The following HTR2C variants were observed in gnomAD, a reference collection of about 807,000 sequenced individuals.
HTR2C encodes 5-hydroxytryptamine receptor 2C, also known as 5-hydroxytryptamine (serotonin) receptor 2C, G protein-coupled.
In HTR2C, 5 loss-of-function variants were observed where a neutral mutation model predicts 21.0. The ratio of observed to expected loss-of-function variants is 0.24; its 90% CI spans 0.12 to 0.50. HTR2C has a LOEUF of 0.50. HTR2C is among the 20% of genes least tolerant of loss of function. HTR2C has a pLI of 0.98. For synonymous variants in HTR2C, 150 were observed against 145.3 expected (o/e 1.03, Z -0.23); for missense variants, 271 against 371.2 (o/e 0.73, Z 2.22).
At position 114,881,419 on chromosome X, in the gene HTR2C, C is replaced by T. The variant is rs782598382; in HGVS notation, c.551-25170C>T. 9.1e-5 allele frequency among the ~76,000 whole-genome samples: 10 copies of T among 109,580 alleles called. No homozygotes were observed. In the East Asian group the frequency reaches 2.8e-3, roughly 31 times the overall value. Reference sequence around the variant, plus strand: ...AAGAAAACATTGTCATAGCTGGAGTCATGAAGATTTAGTCCTATGTTTTCA... The same window carrying T: ...AAGAAAACATTGTCATAGCTGGAGTTATGAAGATTTAGTCCTATGTTTTCA... On this transcript the variant is annotated intron_variant, in intron 5 of 5. Coordinates refer to ENST00000276198, the MANE Select transcript of HTR2C (RefSeq NM_000868.4).
chrX:114,614,574 A>C (rs782800177), intron 2 of HTR2C, among the ~76,000 whole-genome samples: 2 of 110,850 alleles, frequency 1.8e-5, no homozygotes, highest in Middle Eastern at 4.6e-3. Context: ...TTCAGTAACA[A>C]ACTCTTATAT....
intron 2 of HTR2C, among the ~76,000 whole-genome samples, chrX:114,668,147 A>C (rs1217249870): frequency 8.9e-6 from 1 of 111,741 alleles, no homozygotes; most frequent in Non-Finnish European, 1.9e-5. Flanking sequence ...TTTGGGTATA[A>C]TAGACTCTCA....
At chrX:114,899,849 T>A (rs1164405717) in intron 5 of HTR2C, among the ~76,000 whole-genome samples, 1 of 111,120 alleles carries the variant, frequency 9.0e-6, no homozygotes, top group Non-Finnish European at 1.9e-5. Context: ...TTTAATGAAG[T>A]TCTGTTGGCA....
At position 114,807,117 on chromosome X, in the gene HTR2C, ATAC is replaced by A. The variant is rs1556450570; in HGVS notation, c.350-40885_350-40883del. ...CCCCATATATACACCATGTATATATATACCATATATACACCATATATATACCAT... is the reference window on the plus strand; with the variant it reads ...CCCCATATATACACCATGTATATATACATATATACACCATATATATACCAT... On this transcript the variant is annotated intron_variant, in intron 4 of 5. Transcript: ENST00000276198. Among the ~76,000 whole-genome samples the A allele has an allele frequency of 8.0e-4, 32 of 40,128 alleles. 4 individuals carry two copies. Among genetic ancestry groups the A allele is most frequent in the African/African-American group, 2.7e-3 (27 of 10,119 alleles). The allele number at this position is 40,128 out of a possible 115,157, so 34.8% of individuals were successfully genotyped here.
At chrX:114,627,392 G>A (rs1929421821) in intron 2 of HTR2C, among the ~76,000 whole-genome samples, 2 of 111,114 alleles carry the variant, frequency 1.8e-5, no homozygotes, top group Admixed American at 9.7e-5. Flanking sequence ...ATTAACTAAG[G>A]TAATGATGGA....
chrX:114,699,633 C>T (rs1299292308), intron 2 of HTR2C, among the ~76,000 whole-genome samples: 1 of 111,867 alleles, frequency 8.9e-6, no homozygotes, highest in East Asian at 2.8e-4. Flanking sequence ...ACCTTGCTAA[C>T]CTGTAGGTTC....
chrX:114,717,678 TAATGGTAAAAATG>T (rs1367862628), intron 2 of HTR2C: 22 of 111,750 alleles, frequency 2.0e-4, no homozygotes, highest in African/African-American at 6.8e-4. Context: ...GTGGAAAAGG[TAATGGTAAAAATG>T]AATTATAAAT....
At chrX:114,820,137 C>T (rs192735930) in intron 4 of HTR2C, among the ~76,000 whole-genome samples, 2,010 of 109,789 alleles carry the variant, frequency 0.018, 49 homozygotes, top group African/African-American at 0.063. Context: ...AAGAGAGGGT[C>T]TGTTCTTTCA....
chrX:114,669,169 A>T (rs1602675726), intron 2 of HTR2C, among the ~76,000 whole-genome samples: 1 of 111,077 alleles, frequency 9.0e-6, no homozygotes, highest in South Asian at 3.8e-4. Flanking sequence ...TCTTTTCTAA[A>T]GTTCATGTAG....
intron 2 of HTR2C, among the ~76,000 whole-genome samples, chrX:114,703,490 T>A (rs1239135806): frequency 1.8e-5 from 2 of 110,832 alleles, no homozygotes; most frequent in African/African-American, 6.6e-5. Flanking sequence ...AAGGCAGACA[T>A]AAAGATGTTC....
chrX:114,875,896 G>A (rs2071130468), intron 5 of HTR2C, among the ~76,000 whole-genome samples: 1 of 103,068 alleles, frequency 9.7e-6, no homozygotes, highest in Non-Finnish European at 2.0e-5. Context: ...GGGGTCTTTT[G>A]TGGCTCCATA....
intron 5 of HTR2C, among the ~76,000 whole-genome samples, chrX:114,875,797 A>G (rs1210619731): frequency 1.8e-5 from 2 of 108,960 alleles, no homozygotes; most frequent in Non-Finnish European, 3.8e-5. Context: ...TTTGATTACT[A>G]TAATATAGTT....
At chrX:114,844,311 T>C (rs1367613763) in intron 4 of HTR2C, among the ~76,000 whole-genome samples, 1 of 111,427 alleles carries the variant, frequency 9.0e-6, no homozygotes, top group Non-Finnish European at 1.9e-5. Flanking sequence ...AACTTGATTG[T>C]TATGGAAGAA....
At chrX:114,689,529 T>A (rs1569484202) in intron 2 of HTR2C, among the ~76,000 whole-genome samples, 1 of 110,207 alleles carries the variant, frequency 9.1e-6, no homozygotes, top group Non-Finnish European at 1.9e-5. Context: ...ATTTTTTTTT[T>A]ATGTTTTAAC....
chrX:114,885,633 CTT>C (rs1405174740), intron 5 of HTR2C, among the ~76,000 whole-genome samples: 2 of 110,929 alleles, frequency 1.8e-5, no homozygotes, highest in African/African-American at 3.3e-5. Context: ...ATAATGTTAA[CTT>C]TTAAATTGTA....
Position 114,703,967 on chromosome X carries a change from G to C in HTR2C, c.-79-22891G>C, listed in dbSNP as rs782211729. Among the ~76,000 whole-genome samples the C allele has an allele frequency of 1.5e-3, 169 of 110,249 alleles. 1 individual carries two copies. Among genetic ancestry groups the C allele is most frequent in the African/African-American group, 5.3e-3 (160 of 30,346 alleles). On this transcript the variant is annotated intron_variant, in intron 2 of 5. Transcript: ENST00000276198. ...TAAACTAGAAAATCTAGAAGAAATG[G>C]ATAAATTCCTCGACACATACACCCT...
chrX:114,715,337 A>G (rs1556419659), intron 2 of HTR2C: 1 of 385,292 alleles, frequency 2.6e-6, no homozygotes, highest in Admixed American at 2.5e-5. Flanking sequence ...TTCACTTTTC[A>G]TGACTCAGCT....
intron 4 of HTR2C, among the ~76,000 whole-genome samples, chrX:114,814,996 A>G (rs1215735228): frequency 9.6e-6 from 1 of 104,023 alleles, no homozygotes; most frequent in East Asian, 2.9e-4. Context: ...ATTATAGTAT[A>G]TATACATATA....
chrX:114,621,119 G>T (rs1252640328), intron 2 of HTR2C, among the ~76,000 whole-genome samples: 1 of 112,059 alleles, frequency 8.9e-6, no homozygotes, highest in African/African-American at 3.2e-5. Flanking sequence ...GACCTCAAGT[G>T]TTCCACCTGT....
Sources: allele counts gnomAD v4.1 joint callset (sites outside exome capture counted in the v4.1 genomes callset), GRCh38; gene constraint gnomAD v4.1.1; transcripts MANE v1.5; gene names NCBI Gene and HGNC (gene_info 2026-07-23, HGNC 2026-07-21).